The following PRKAG1 variants were observed in gnomAD, a reference collection of about 807,000 sequenced individuals.
PRKAG1 encodes 5'-AMP-activated protein kinase subunit gamma-1.
PRKAG1 carries 27 observed loss-of-function variants against 48.2 expected under a neutral mutation model. That is an observed-to-expected ratio of 0.56 (90% CI 0.41 to 0.77). PRKAG1 has a LOEUF of 0.77. Among genes scored for constraint, PRKAG1 ranks in the 30% least tolerant of loss-of-function variants. The probability of loss-of-function intolerance (pLI) is 0.00; values close to 1 mark genes in which losing one functional copy is unlikely to be tolerated. For missense variants in PRKAG1, 287 were observed against 398.3 expected (o/e 0.72, Z 2.38); for synonymous variants, 130 against 147.7 (o/e 0.88, Z 0.87).
Position 49,002,670 on chromosome 12 carries a change from A to C in PRKAG1, c.*229T>G. 3 of 626,000 alleles carry C rather than the reference A, an allele frequency of 4.8e-6. No homozygotes were observed. The highest frequency in any genetic ancestry group is 8.8e-6 in the Non-Finnish European group (3 of 342,584). The allele number at this position is 626,000 out of a possible 1,614,324, so 38.8% of individuals were successfully genotyped here. A position where few individuals can be genotyped will look rare whatever the true frequency, so the allele number is the denominator to read the frequency against. ...ATATATCTAAGAGGACAGGGGCTAG[A>C]ACTGGCTAGGCTGAAAGTTTTTTCA... is the stretch of plus-strand genomic sequence containing the variant. On this transcript the variant is annotated 3_prime_UTR_variant, in exon 12 of 12. Coordinates refer to ENST00000548065, the MANE Select transcript of PRKAG1 (RefSeq NM_002733.5).
Position 49,002,641 on chromosome 12 carries a change from G to A in PRKAG1, c.*258C>T. 3 of 547,716 alleles carry A rather than the reference G, an allele frequency of 5.5e-6. No homozygotes were observed. The South Asian group carries it at 5.8e-5, about 11-fold the overall frequency. 33.9% of individuals were successfully genotyped at this position (547,716 alleles called of 1,614,324 possible). A position where few individuals can be genotyped will look rare whatever the true frequency, so the allele number is the denominator to read the frequency against. On this transcript the variant is annotated 3_prime_UTR_variant, in exon 12 of 12. Coordinates refer to ENST00000548065, the MANE Select transcript of PRKAG1 (RefSeq NM_002733.5). ...CAGAGCCTATAGTTCACCCAGAAAGGGGGATATATCTAAGAGGACAGGGGC... is the reference window on the plus strand; with the variant it reads ...CAGAGCCTATAGTTCACCCAGAAAGAGGGATATATCTAAGAGGACAGGGGC...
At chr12:49,004,097 C>T in intron 8 of PRKAG1, 175 bp from the exon 9 acceptor site, 1 of 828,922 alleles carries the variant, frequency 1.2e-6, no homozygotes, top group African/African-American at 1.7e-5. Context: ...CGAGACCAGC[C>T]TGGGCAACAT....
At position 49,018,446 on chromosome 12, in the gene PRKAG1, C is replaced by T. The variant is rs980381596; in HGVS notation, c.9+286G>A. ...TGAGGTGCCAATAGGAAAGGAGGCCCGAGATTGCCACGGCATACGTGGGCC... is the reference window on the plus strand; with the variant it reads ...TGAGGTGCCAATAGGAAAGGAGGCCTGAGATTGCCACGGCATACGTGGGCC... On this transcript the variant is annotated intron_variant, in intron 1 of 11. Transcript: ENST00000548065. 3 of 1,330,806 alleles carry T rather than the reference C, an allele frequency of 2.3e-6. No individual in the cohort carries two copies. The South Asian group carries it at 5.8e-5, about 26-fold the overall frequency. 82.4% of individuals were successfully genotyped at this position (1,330,806 alleles called of 1,614,324 possible). A position where few individuals can be genotyped will look rare whatever the true frequency, so the allele number is the denominator to read the frequency against.
At chr12:49,015,948 C>CT (rs67495781) in intron 1 of PRKAG1, among the ~76,000 whole-genome samples, 247 of 142,582 alleles carry the variant, frequency 1.7e-3, no homozygotes, top group South Asian at 6.7e-3. Flanking sequence ...TCCTTTCTAC[C>CT]TTTTTTTTTT....
intron 2 of PRKAG1, among the ~76,000 whole-genome samples, chr12:49,006,783 A>C (rs1279585091): frequency 6.6e-6 from 1 of 151,814 alleles, no homozygotes; most frequent in Non-Finnish European, 1.5e-5. Flanking sequence ...CAGCCTGACC[A>C]ACATGGATAA....
intron 2 of PRKAG1, among the ~76,000 whole-genome samples, chr12:49,010,868 G>C (rs1375532517): frequency 1.3e-5 from 2 of 149,622 alleles, no homozygotes; most frequent in Non-Finnish European, 1.5e-5. Flanking sequence ...TTTTGAGACA[G>C]AGTCTTGCTC....
At chr12:49,003,674 A>AAGCTG in intron 9 of PRKAG1, 79 bp from the exon 10 acceptor site, 1 of 1,608,598 alleles carries the variant, frequency 6.2e-7, no homozygotes, top group Non-Finnish European at 8.5e-7. Context: ...CCTCCTGGCT[A>AAGCTG]AGCTGAGGGG....
At chr12:49,015,977 ACT>A (rs1941954921) in intron 1 of PRKAG1, among the ~76,000 whole-genome samples, 1 of 143,046 alleles carries the variant, frequency 7.0e-6, no homozygotes, top group Non-Finnish European at 1.5e-5. Flanking sequence ...ACAGGGTGTC[ACT>A]CTGTCATTCA....
At chr12:49,013,842 G>C (rs185889592) in intron 1 of PRKAG1, among the ~76,000 whole-genome samples, 1 of 152,110 alleles carries the variant, frequency 6.6e-6, no homozygotes, top group Non-Finnish European at 1.5e-5. Context: ...CTGATGAAGA[G>C]TTTGGTTGGG....
At chr12:49,013,282 C>T (rs1283353827) in intron 1 of PRKAG1, among the ~76,000 whole-genome samples, 172 bp from the exon 2 acceptor site, 2 of 152,136 alleles carry the variant, frequency 1.3e-5, no homozygotes, top group African/African-American at 4.8e-5. Flanking sequence ...CGCTCTGTCA[C>T]CCAGGCTGCA....
At chr12:49,018,449 G>GA in intron 1 of PRKAG1, 1 of 1,333,468 alleles carries the variant, frequency 7.5e-7, no homozygotes, top group Non-Finnish European at 9.6e-7. Context: ...GGAGGCCCGA[G>GA]ATTGCCACGG....
intron 1 of PRKAG1, chr12:49,016,906 TTCCAG>T (rs527629998): frequency 3.0e-4 from 103 of 340,314 alleles, no homozygotes; most frequent in African/African-American, 2.1e-3. Flanking sequence ...TAGCCTGCTT[TTCCAG>T]TCTTTTCTCC....
At chr12:49,010,326 A>G (rs996632674) in intron 2 of PRKAG1, among the ~76,000 whole-genome samples, 12 of 152,338 alleles carry the variant, frequency 7.9e-5, no homozygotes, top group African/African-American at 2.9e-4. Context: ...GATAGGGAAC[A>G]TTCAATACTT....
At chr12:49,004,052 G>A (rs1941415070) in intron 8 of PRKAG1, 130 bp from the exon 9 acceptor site, 2 of 1,253,206 alleles carry the variant, frequency 1.6e-6, no homozygotes, top group African/African-American at 1.5e-5. Context: ...CACTTTGGGA[G>A]GCTGAGGGGG....
Position 49,003,817 on chromosome 12 carries a change from C to A in PRKAG1, c.643G>T (p.Val215Leu). The A allele has an allele frequency of 2.5e-6, 4 of 1,614,102 alleles. No individual in the cohort carries two copies. Among genetic ancestry groups the A allele is most frequent in the Non-Finnish European group, 3.4e-6 (4 of 1,179,998 alleles). The stretch of plus-strand genomic sequence containing the variant: ...TGCTGTACAAAAATCCCCAGAGCCA[C>A]ATAGACGGGGGTGGTAGTGCGAACC... ...AMVRTTTPVYVALGIFVQHRV... is the reference protein window; with the variant it reads ...AMVRTTTPVYLALGIFVQHRV... Residue 215 changes from valine to leucine, a missense_variant, in exon 9 of 12, where the codon GTG becomes TTG. By Grantham distance (32) the Val-to-Leu change is conservative (BLOSUM62 1). Around this residue, in one of 2 missense-constraint regions of PRKAG1, gnomAD observed 224 missense variants for 344.3 expected, o/e 0.65. Coordinates refer to ENST00000548065, the MANE Select transcript of PRKAG1 (RefSeq NM_002733.5).
chr12:49,004,816 TGTGTGTGTGTGTGTG>T, intron 7 of PRKAG1, 133 bp downstream of exon 7: 1 of 217,070 alleles, frequency 4.6e-6, no homozygotes, highest in African/African-American at 8.7e-5. Flanking sequence ...AGAGAGACTG[TGTGTGTGTGTGTGTG>T]TGTGTGTGTG....
Position 49,003,194 on chromosome 12 carries a change from A to G in PRKAG1, c.838T>C (p.Tyr280His), listed in dbSNP as rs749615020. 1.2e-6 allele frequency: 2 copies of G among 1,614,178 alleles called. No individual in the cohort carries two copies. The highest frequency in any genetic ancestry group is 1.1e-5 in the South Asian group (1 of 91,082). ...SHYFEGVLKC[Y>H]LHETLETIIN... ...ATGGTCTCCAGAGTCTCATGCAGGT[A>G]GCACTTGAGAACACCCTCAAAGTAA... Residue 280 changes from tyrosine to histidine, a missense_variant, in exon 11 of 12, where the codon TAC (tyrosine) becomes CAC (histidine). Tyr to His is a moderately conservative substitution (Grantham distance 83, BLOSUM62 2). This residue lies in a region of PRKAG1 where 224 missense variants were observed against 344.3 expected (regional missense o/e 0.65). Coordinates refer to ENST00000548065, the MANE Select transcript of PRKAG1 (RefSeq NM_002733.5).
Position 49,004,532 on chromosome 12 carries a change from C to T in PRKAG1, c.512G>A (p.Arg171His), listed in dbSNP as rs1941437503. 6.2e-7 allele frequency: 1 copy of T among 1,614,030 alleles called. No homozygotes were observed. The change falls in exon 8 of 12, where the codon CGC (arginine) becomes CAC (histidine). Residue 171 changes from arginine to histidine, a missense_variant. Transcript: ENST00000548065. Reference protein sequence around the residue: ...GNTLYILTHKRILKFLKLFIT... With the variant: ...GNTLYILTHKHILKFLKLFIT... The stretch of plus-strand genomic sequence containing the variant: ...AAACAATTTGAGGAACTTCAGAATG[C>T]GCTTGTGGGTGAGGATGTACAAAGT...
Position 49,005,466 on chromosome 12 carries a change from A to G in PRKAG1, c.246T>C (p.Phe82=). The change falls in exon 4 of 12, where the codon TTT becomes TTC. Residue 82 remains phenylalanine, a synonymous_variant. Transcript: ENST00000548065. The surrounding 1 kb of genome is among the most constrained non-coding windows in gnomAD (Gnocchi z 4.1). The part of the protein sequence containing the change: ...APLWDSKKQS[F]VGMLTITDFI... ...GTTCCAGAAACTTTTGCTTACCCACAAAACTTTGCTTCTTACTATCCCATA... is the reference window on the plus strand; with the variant it reads ...GTTCCAGAAACTTTTGCTTACCCACGAAACTTTGCTTCTTACTATCCCATA... The G allele has an allele frequency of 6.2e-7, 1 of 1,614,190 alleles. No homozygotes were observed. The highest frequency in any genetic ancestry group is 2.2e-5 in the East Asian group (1 of 44,886).
Sources: allele counts gnomAD v4.1 joint callset (sites outside exome capture counted in the v4.1 genomes callset), GRCh38; gene constraint gnomAD v4.1.1; regional missense constraint gnomAD v4.1.1; non-coding constraint Gnocchi (gnomAD v3.1); transcripts MANE v1.5; gene names NCBI Gene and HGNC (gene_info 2026-07-23, HGNC 2026-07-21).